Variants in PEMT observed in about 807,000 individuals in gnomAD.
The protein encoded by PEMT is phospholipid methyltransferase.
In PEMT, 23 loss-of-function variants were observed where a neutral mutation model predicts 27.4. The observed-to-expected ratio is 0.84, with a 90% CI of 0.60 to 1.19. The LOEUF is 1.19. Ranked by LOEUF, PEMT falls within the 50% of genes most tolerant of loss-of-function variation. The pLI, the probability that PEMT is intolerant of heterozygous loss-of-function variation, is 0.00. For missense variants in PEMT, 307 were observed against 310.1 expected, an observed-to-expected ratio of 0.99 and a Z score of 0.07; for synonymous variants, 137 against 139.1, an observed-to-expected ratio of 0.98 and a Z score of 0.11.
intron 2 of PEMT, among the ~76,000 whole-genome samples, chr17:17,528,696 T>G (rs1395507701): frequency 6.6e-6 from 1 of 152,150 alleles, no homozygotes; most frequent in African/African-American, 2.4e-5. Context: ...CCAGAACCTA[T>G]GAGAGGTCAG....
intron 2 of PEMT, among the ~76,000 whole-genome samples, chr17:17,527,600 C>T (rs1039174250): frequency 2.0e-5 from 3 of 152,220 alleles, no homozygotes; most frequent in East Asian, 1.9e-4. Flanking sequence ...GCGGATTAAG[C>T]GAATTCCTGC....
chr17:17,557,265 A>G (rs1910119251), intron 2 of PEMT, among the ~76,000 whole-genome samples: 1 of 152,160 alleles, frequency 6.6e-6, no homozygotes. Flanking sequence ...GGGACACACC[A>G]GAGCAGCAGA....
intron 4 of PEMT, among the ~76,000 whole-genome samples, chr17:17,511,139 G>A (rs1205224865): frequency 6.6e-6 from 1 of 152,172 alleles, no homozygotes; most frequent in Non-Finnish European, 1.5e-5. Flanking sequence ...GACAGCACCT[G>A]TGCGGCCAGT....
intron 2 of PEMT, among the ~76,000 whole-genome samples, chr17:17,543,862 C>A (rs1370952598): frequency 6.6e-6 from 1 of 152,236 alleles, no homozygotes; most frequent in Non-Finnish European, 1.5e-5. Context: ...GGCGCCCAGC[C>A]AGCTCATGCC....
intron 2 of PEMT, among the ~76,000 whole-genome samples, chr17:17,550,919 C>T (rs1490500039): frequency 6.6e-6 from 1 of 152,238 alleles, no homozygotes; most frequent in Non-Finnish European, 1.5e-5. Flanking sequence ...AGGGAATCAA[C>T]TTTTTATCAT....
chr17:17,592,083 C>A, upstream of PEMT: 1 of 985,198 alleles, frequency 1.0e-6, no homozygotes, highest in Non-Finnish European at 1.2e-6. Context: ...CCGGGTCACA[C>A]ACGCCCAGGG....
chr17:17,583,638 G>C (rs954698402), intron 1 of PEMT, among the ~76,000 whole-genome samples: 1 of 152,200 alleles, frequency 6.6e-6, no homozygotes, highest in African/African-American at 2.4e-5. Flanking sequence ...CAGGCCACCT[G>C]AGGTTACCTT....
intron 6 of PEMT, 108 bp downstream of exon 6, chr17:17,506,119 C>G (rs1476726689): frequency 1.9e-6 from 2 of 1,076,670 alleles, no homozygotes; most frequent in South Asian, 1.6e-5. Context: ...GTGGGCCTGG[C>G]TGACGGCAGC....
chr17:17,586,153 A>G (rs1401631404), intron 1 of PEMT, among the ~76,000 whole-genome samples: 1 of 148,674 alleles, frequency 6.7e-6, no homozygotes, highest in Non-Finnish European at 1.5e-5. Flanking sequence ...AGAAAGAAAG[A>G]AAAAGAAAGA....
At chr17:17,577,120 A>G (rs2142744702) in intron 1 of PEMT, 93 bp from the exon 2 acceptor site, 1 of 899,134 alleles carries the variant, frequency 1.1e-6, no homozygotes, top group East Asian at 2.5e-5. Context: ...CTGGGAACAC[A>G]CTGGGAGGCC....
intron 2 of PEMT, among the ~76,000 whole-genome samples, chr17:17,567,743 C>G (rs546445456): frequency 2.6e-5 from 4 of 152,384 alleles, no homozygotes; most frequent in African/African-American, 7.2e-5. Flanking sequence ...GAGACAAGAG[C>G]TGTGCTCCTA....
chr17:17,592,092 G>A (rs1788879890), upstream of PEMT: 1 of 985,178 alleles, frequency 1.0e-6, no homozygotes, highest in South Asian at 4.7e-5. Flanking sequence ...ACACGCCCAG[G>A]GCCCCACACG....
At position 17,505,838 on chromosome 17, in the gene PEMT, C is replaced by T. The variant is rs375372363; in HGVS notation, c.664G>A (p.Ala222Thr). ...GAGGCTTTCTGCCGGTAGATCTCAG[C>T]GGTGAAGGGCCTGCCGGGCAGCGGG... ...VALLYEEPFT[A>T]EIYRQKASGS... The change falls in exon 7 of 7, where the codon GCT becomes ACT. Residue 222 changes from alanine to threonine, a missense_variant. Physicochemically the swap from Ala to Thr is moderately conservative, Grantham distance 58 (BLOSUM62 0). Transcript: ENST00000255389. 4.3e-5 allele frequency: 70 copies of T among 1,610,044 alleles called. No homozygotes were observed. In the South Asian group the frequency reaches 4.4e-4, roughly 10 times the overall value.
chr17:17,563,423 A>G (rs4646366), intron 2 of PEMT, among the ~76,000 whole-genome samples: 10,257 of 152,074 alleles, frequency 0.067, 892 homozygotes, highest in African/African-American at 0.2. Flanking sequence ...GCAGGGAGGT[A>G]CCATCTCTGA....
chr17:17,577,221 C>T (rs1274168376), intron 1 of PEMT, among the ~76,000 whole-genome samples, 194 bp from the exon 2 acceptor site: 1 of 152,128 alleles, frequency 6.6e-6, no homozygotes, highest in Non-Finnish European at 1.5e-5. Flanking sequence ...GTGTCATGTC[C>T]TGGGAGGGCG....
At chr17:17,534,107 A>G (rs187859237) in intron 2 of PEMT, among the ~76,000 whole-genome samples, 58 of 152,322 alleles carry the variant, frequency 3.8e-4, no homozygotes, top group Admixed American at 1.6e-3. Context: ...TTTACTTAAG[A>G]AAGATGAAAG....
At chr17:17,528,424 C>T (rs1048044711) in intron 2 of PEMT, among the ~76,000 whole-genome samples, 1 of 152,316 alleles carries the variant, frequency 6.6e-6, no homozygotes, top group Middle Eastern at 3.4e-3. Context: ...GGCTACCACC[C>T]GAGGAGGCAC....
intron 1 of PEMT, 128 bp from the exon 2 acceptor site, chr17:17,577,155 G>A (rs757130945): frequency 8.6e-6 from 6 of 699,752 alleles, no homozygotes; most frequent in Middle Eastern, 3.8e-4. Flanking sequence ...TCCGGCAAAG[G>A]TTACTACAGT....
At chr17:17,530,437 G>T (rs1321453784) in intron 2 of PEMT, among the ~76,000 whole-genome samples, 1 of 152,160 alleles carries the variant, frequency 6.6e-6, no homozygotes, top group East Asian at 1.9e-4. Context: ...GGAGGTTGCA[G>T]TGAGCTGAGA....
Sources: allele counts gnomAD v4.1 joint callset (sites outside exome capture counted in the v4.1 genomes callset), GRCh38; gene constraint gnomAD v4.1.1; transcripts MANE v1.5; gene names NCBI Gene and HGNC (gene_info 2026-07-23, HGNC 2026-07-21).